The following PDE8B variants were observed in gnomAD, a reference collection of about 807,000 sequenced individuals.
The protein encoded by PDE8B is phosphodiesterase 8B.
Under a neutral mutation model 101.3 loss-of-function variants are expected in PDE8B, and 26 were observed. That is an observed-to-expected ratio of 0.26 (90% CI 0.19 to 0.36). The LOEUF (loss-of-function observed/expected upper bound fraction) is 0.36. Ranked by LOEUF, PDE8B falls within the 10% of genes least tolerant of loss-of-function variation. The pLI is 1.00. For missense variants in PDE8B, 810 were observed against 1,163.1 expected (o/e 0.70, Z 4.42); for synonymous variants, 424 against 429.3 (o/e 0.99, Z 0.15).
intron 1 of PDE8B, among the ~76,000 whole-genome samples, chr5:77,212,461 A>C (rs2149380999): frequency 6.6e-6 from 1 of 152,128 alleles, no homozygotes; most frequent in Admixed American, 6.5e-5. Context: ...TTTTTTTTTA[A>C]CAGCATCTGA....
the PDE8B span, among the ~76,000 whole-genome samples, chr5:77,138,496 G>A: frequency 6.6e-6 from 1 of 152,244 alleles, no homozygotes; most frequent in East Asian, 1.9e-4. Context: ...AAGTAAGCAG[G>A]CTTCTTTCAT....
intron 20 of PDE8B, among the ~76,000 whole-genome samples, chr5:77,423,621 T>TGTTTA (rs1561699404): frequency 2.8e-5 from 3 of 108,506 alleles, no homozygotes; most frequent in Admixed American, 1.0e-4. Flanking sequence ...GCTGGACTTT[T>TGTTTA]GTTTTGTTTA....
chr5:77,173,855 T>C, the PDE8B span, among the ~76,000 whole-genome samples: 1 of 152,174 alleles, frequency 6.6e-6, no homozygotes, highest in East Asian at 1.9e-4. Flanking sequence ...TTATTTTCTA[T>C]GAGAACATTA....
intron 1 of PDE8B, among the ~76,000 whole-genome samples, chr5:77,226,868 G>T (rs1483788757): frequency 6.6e-6 from 1 of 152,088 alleles, no homozygotes; most frequent in Admixed American, 6.5e-5. Flanking sequence ...TTTAGAGGAG[G>T]TTTGTCTTGC....
At chr5:77,130,816 T>G in the PDE8B span, among the ~76,000 whole-genome samples, 1 of 152,184 alleles carries the variant, frequency 6.6e-6, no homozygotes, top group South Asian at 2.1e-4. Flanking sequence ...TGAAATAATT[T>G]TAGGTTTTTG....
chr5:77,374,550 A>C (rs1156976297), intron 10 of PDE8B, among the ~76,000 whole-genome samples: 1 of 152,152 alleles, frequency 6.6e-6, no homozygotes, highest in Non-Finnish European at 1.5e-5. Flanking sequence ...GGGGATTACT[A>C]TATACATCTT....
At chr5:77,243,815 A>G (rs1756293482) in intron 1 of PDE8B, among the ~76,000 whole-genome samples, 1 of 152,198 alleles carries the variant, frequency 6.6e-6, no homozygotes, top group Admixed American at 6.5e-5. Context: ...ACATTTGCAT[A>G]CAAGTTTTTG....
chr5:77,098,458 ATCTT>A, the PDE8B span, among the ~76,000 whole-genome samples: 3 of 151,702 alleles, frequency 2.0e-5, no homozygotes, highest in Non-Finnish European at 4.4e-5. Context: ...TAATTTATCT[ATCTT>A]TTGTTTTTTT....
chr5:77,243,967 C>A (rs984887512), intron 1 of PDE8B, among the ~76,000 whole-genome samples: 1 of 151,884 alleles, frequency 6.6e-6, no homozygotes, highest in Admixed American at 6.6e-5. Context: ...CCGCTGCATC[C>A]TTTTCTGCTT....
the PDE8B span, among the ~76,000 whole-genome samples, chr5:77,202,366 T>A: frequency 6.6e-6 from 1 of 152,222 alleles, no homozygotes; most frequent in Non-Finnish European, 1.5e-5. Context: ...CTGCAATCCC[T>A]GAAACAGCAA....
chr5:77,127,205 G>A, the PDE8B span, among the ~76,000 whole-genome samples: 1 of 152,138 alleles, frequency 6.6e-6, no homozygotes, highest in African/African-American at 2.4e-5. Context: ...ATCTCGAATT[G>A]TAATCCCCAT....
At chr5:77,398,318 CTTTTTTTTT>C (rs70988672) in intron 10 of PDE8B, among the ~76,000 whole-genome samples, 29,936 of 116,322 alleles carry the variant, frequency 0.26, 3,671 homozygotes, top group Non-Finnish European at 0.32. Flanking sequence ...AGCTGTTTTA[CTTTTTTTTT>C]TTTTTTTTTT....
intron 1 of PDE8B, among the ~76,000 whole-genome samples, chr5:77,298,087 G>A (rs1190696289): frequency 1.3e-5 from 2 of 152,148 alleles, no homozygotes; most frequent in African/African-American, 4.8e-5. Flanking sequence ...ATGAAAGTTT[G>A]TGGATCTAAA....
chr5:77,088,497 G>C, the PDE8B span: 1 of 139,736 alleles, frequency 7.2e-6, no homozygotes, highest in Non-Finnish European at 1.5e-5. Context: ...GGGGGCGGGG[G>C]TAGAGGAGTT....
At chr5:77,128,422 C>T in the PDE8B span, among the ~76,000 whole-genome samples, 3 of 152,214 alleles carry the variant, frequency 2.0e-5, no homozygotes, top group South Asian at 2.1e-4. Flanking sequence ...TCACCTACAA[C>T]GTGCCATCCA....
At chr5:77,216,182 A>G (rs554624583) in intron 1 of PDE8B, among the ~76,000 whole-genome samples, 4 of 152,226 alleles carry the variant, frequency 2.6e-5, no homozygotes, top group African/African-American at 9.6e-5. Flanking sequence ...AGGAAAGACA[A>G]CAAATGATGC....
At chr5:77,278,913 A>G (rs1375753774) in intron 1 of PDE8B, among the ~76,000 whole-genome samples, 1 of 152,226 alleles carries the variant, frequency 6.6e-6, no homozygotes, top group Non-Finnish European at 1.5e-5. Context: ...AGGGTATGAA[A>G]TATACAATGG....
At chr5:77,418,714 A>G (rs1375316768) in intron 18 of PDE8B, among the ~76,000 whole-genome samples, 8 of 152,182 alleles carry the variant, frequency 5.3e-5, no homozygotes, top group African/African-American at 1.7e-4. Flanking sequence ...TACACCAGAT[A>G]TTTTTACCCT....
intron 1 of PDE8B, among the ~76,000 whole-genome samples, chr5:77,250,892 A>C (rs1757929404): frequency 6.6e-6 from 1 of 152,240 alleles, no homozygotes; most frequent in Non-Finnish European, 1.5e-5. Flanking sequence ...TTTTGGCTGA[A>C]CATCATGAGA....
Sources: gnomAD v4.1 joint callset for allele counts (sites outside exome capture counted in the v4.1 genomes callset) on GRCh38, gnomAD v4.1.1 for gene constraint, MANE v1.5 for transcripts, NCBI Gene and HGNC (gene_info 2026-07-23, HGNC 2026-07-21) for gene names.